The following SSUH2 variants were observed in gnomAD, a reference collection of about 807,000 sequenced individuals.
The protein encoded by SSUH2 is protein SSUH2 homolog.
Under a neutral mutation model 55.3 loss-of-function variants are expected in SSUH2, and 47 were observed. The observed-to-expected ratio is 0.85, with a 90% confidence interval of 0.67 to 1.08. SSUH2 has a LOEUF of 1.08. Ranked by LOEUF, SSUH2 falls within the 50% of genes least tolerant of loss-of-function variation. The pLI is 0.00. For missense variants in SSUH2, 535 were observed against 490.7 expected (o/e 1.09, Z -0.85); for synonymous variants, 212 against 191.5 (o/e 1.11, Z -0.89).
intron 1 of SSUH2, among the ~76,000 whole-genome samples, chr3:8,680,759 T>G (rs428712): frequency 0.53 from 81,080 of 151,782 alleles, 22,307 homozygotes; most frequent in South Asian, 0.65. Flanking sequence ...GTATACTTAC[T>G]GCGATATTTG....
At chr3:8,666,465 A>G (rs1290540131) in intron 5 of SSUH2, among the ~76,000 whole-genome samples, 1 of 152,148 alleles carries the variant, frequency 6.6e-6, no homozygotes, top group Non-Finnish European at 1.5e-5. Context: ...TGAAGGAGAA[A>G]CCTGTAAGGT....
intron 1 of SSUH2, among the ~76,000 whole-genome samples, chr3:8,643,547 A>G (rs2125271875): frequency 6.6e-6 from 1 of 152,378 alleles, no homozygotes; most frequent in East Asian, 1.9e-4. Flanking sequence ...TTTCACTTCA[A>G]TATGAAAAAA....
intron 8 of SSUH2, 71 bp from the exon 9 acceptor site, chr3:8,626,392 G>C: frequency 8.9e-7 from 1 of 1,129,300 alleles, no homozygotes. Context: ...GCTCCCACCT[G>C]CACCCCCTTC....
intron 5 of SSUH2, among the ~76,000 whole-genome samples, chr3:8,668,294 C>T (rs1704181631): frequency 6.6e-6 from 1 of 152,192 alleles, no homozygotes; most frequent in South Asian, 2.1e-4. Context: ...GGCAAACAGG[C>T]TGATGTTTTA....
chr3:8,666,137 A>G (rs1172606978), intron 5 of SSUH2, among the ~76,000 whole-genome samples: 1 of 152,198 alleles, frequency 6.6e-6, no homozygotes, highest in Non-Finnish European at 1.5e-5. Context: ...AAATATCAGA[A>G]AAATATGGAT....
intron 6 of SSUH2, among the ~76,000 whole-genome samples, chr3:8,661,597 A>G (rs1703497872): frequency 6.6e-6 from 1 of 152,222 alleles, no homozygotes; most frequent in African/African-American, 2.4e-5. Context: ...CGAATCCGAG[A>G]CAAAGGACTT....
In SSUH2 at chr3:8,632,057, G is replaced by A; in HGVS notation, c.392C>T (p.Pro131Leu). The change falls in exon 5 of 12, where the codon CCC becomes CTC. Residue 131 changes from proline (P) to leucine (L), a missense_variant. Pro to Leu is a moderately conservative substitution (Grantham distance 98). Transcript: ENST00000544814. ...ESRISEWTFQPFTNHSVDGPQ... is the reference protein window; with the variant it reads ...ESRISEWTFQLFTNHSVDGPQ... ...TCAGACAATTCACTTACTAGTAAAGGGTTGAAATGTCCACTCGCTTATCCT... is the reference window on the plus strand; with the variant it reads ...TCAGACAATTCACTTACTAGTAAAGAGTTGAAATGTCCACTCGCTTATCCT... 6.2e-7 allele frequency: 1 copy of A among 1,613,524 alleles called. No homozygotes were observed. The highest frequency in any genetic ancestry group is 8.5e-7 in the Non-Finnish European group (1 of 1,179,580).
intron 4 of SSUH2, among the ~76,000 whole-genome samples, chr3:8,632,617 C>G (rs1228914974): frequency 6.6e-6 from 1 of 152,230 alleles, no homozygotes; most frequent in African/African-American, 2.4e-5. Context: ...GGTCACACAG[C>G]CACACAGTGG....
At position 8,678,727 on chromosome 3, in the gene SSUH2, G is replaced by T. The variant is rs375355677; in HGVS notation, c.-901+978C>A. ...CTGGGTCTTAGGACCCCCAACGTGG[G>T]GGGGGGAGGCACCACACGCGAGGCG... On this transcript the variant is annotated intron_variant, in intron 2 of 18. Coordinates refer to the SSUH2 transcript ENST00000317371. Among the ~76,000 whole-genome samples, 5 of 73,394 alleles carry T rather than the reference G, an allele frequency of 6.8e-5. 2 individuals are homozygous for T. The highest frequency in any genetic ancestry group is 2.8e-4 in the Admixed American group (2 of 7,204). The allele number at this position is 73,394 out of a possible 152,430, so 48.1% of individuals were successfully genotyped here.
chr3:8,632,716 G>A (rs778340149), intron 4 of SSUH2, among the ~76,000 whole-genome samples: 7 of 152,212 alleles, frequency 4.6e-5, no homozygotes, highest in Non-Finnish European at 8.8e-5. Flanking sequence ...ACTAGAAAAT[G>A]TGACTGTAAA....
intron 7 of SSUH2, among the ~76,000 whole-genome samples, chr3:8,651,242 G>A (rs1702366439): frequency 1.3e-5 from 2 of 152,212 alleles, no homozygotes; most frequent in African/African-American, 4.8e-5. Flanking sequence ...TTGCAGAGGG[G>A]TTTCTGTCAT....
intron 3 of SSUH2, chr3:8,677,099 T>A (rs1427805581): frequency 6.9e-6 from 1 of 144,806 alleles, no homozygotes; most frequent in African/African-American, 2.6e-5. Flanking sequence ...AGGACCCCCA[T>A]CGCAGCGGGG....
At chr3:8,637,783 T>C (rs1700158978) in intron 1 of SSUH2, among the ~76,000 whole-genome samples, 1 of 152,200 alleles carries the variant, frequency 6.6e-6, no homozygotes, top group Non-Finnish European at 1.5e-5. Flanking sequence ...TCTCAGTCAC[T>C]GAAGCAAACT....
At chr3:8,668,769 T>C (rs2125398124) in intron 5 of SSUH2, among the ~76,000 whole-genome samples, 1 of 152,326 alleles carries the variant, frequency 6.6e-6, no homozygotes, top group South Asian at 2.1e-4. Context: ...TTCAGGGATT[T>C]CATGAGTCTC....
chr3:8,636,519 C>A (rs1043092271), intron 1 of SSUH2, among the ~76,000 whole-genome samples: 13 of 152,170 alleles, frequency 8.5e-5, no homozygotes, highest in African/African-American at 3.1e-4. Flanking sequence ...CCCATAAAAT[C>A]ATGAGACATA....
chr3:8,672,435 G>A (rs9870849), intron 3 of SSUH2, among the ~76,000 whole-genome samples: 17,279 of 151,944 alleles, frequency 0.11, 1,163 homozygotes, highest in African/African-American at 0.18. Context: ...AATATTACAC[G>A]GGTTTGTACA....
chr3:8,640,683 T>C (rs868058084), intron 1 of SSUH2, among the ~76,000 whole-genome samples: 1 of 152,072 alleles, frequency 6.6e-6, no homozygotes, highest in African/African-American at 2.4e-5. Flanking sequence ...AAGGCAAGCC[T>C]GCTGGAGAGA....
intron 3 of SSUH2, chr3:8,634,354 C>G: frequency 7.8e-7 from 1 of 1,282,972 alleles, no homozygotes; most frequent in African/African-American, 1.5e-5. Flanking sequence ...ATGCCTCCCC[C>G]TCCTCCTGGA....
chr3:8,673,459 G>A (rs1704848512), intron 3 of SSUH2, among the ~76,000 whole-genome samples: 1 of 152,056 alleles, frequency 6.6e-6, no homozygotes, highest in African/African-American at 2.4e-5. Context: ...GTGGTGGAGA[G>A]GCATGTTTTT....
Sources: gnomAD v4.1 joint callset for allele counts (sites outside exome capture counted in the v4.1 genomes callset) on GRCh38, gnomAD v4.1.1 for gene constraint, MANE v1.5 for transcripts, NCBI Gene and HGNC (gene_info 2026-07-23, HGNC 2026-07-21) for gene names.